MEF2A: variants seen among roughly 807,000 people sequenced by gnomAD.
MEF2A encodes the protein myocyte-specific enhancer factor 2A.
MEF2A carries 28 observed loss-of-function variants against 55.8 expected under a neutral mutation model. That is an observed-to-expected ratio of 0.50 (90% CI 0.37 to 0.69). The LOEUF is 0.69. Among genes scored for constraint, MEF2A ranks in the 30% least tolerant of loss-of-function variants. The pLI, the probability that MEF2A is intolerant of heterozygous loss-of-function variation, is 0.00. For missense variants in MEF2A, 528 were observed against 626.2 expected, an observed-to-expected ratio of 0.84 and a Z score of 1.67; for synonymous variants, 239 against 227.1, an observed-to-expected ratio of 1.05 and a Z score of -0.47.
rs148615387 is a variant in MEF2A, at chr15:99,579,328, G to T, written c.-225+13224G>T. 4.9e-4 allele frequency among the ~76,000 whole-genome samples: 74 copies of T among 151,202 alleles called. 1 individual carries two copies. Among genetic ancestry groups the T allele is most frequent in the Non-Finnish European group, 9.0e-4 (61 of 67,744 alleles). On this transcript the variant is annotated intron_variant, in intron 1 of 11. Coordinates refer to ENST00000557942, the MANE Select transcript of MEF2A (RefSeq NM_001319206.4). ...AGGGTTTTTTTTTTCGGTCAGTGGA[G>T]GGTGGGGCAGGGTTCCTTGCTGGAT...
intron 4 of MEF2A, among the ~76,000 whole-genome samples, chr15:99,664,649 T>G (rs2049265744): frequency 6.6e-6 from 1 of 152,042 alleles, no homozygotes; most frequent in Non-Finnish European, 1.5e-5. Context: ...TATATAAAAT[T>G]TGGTATTCCA....
chr15:99,573,992 T>C (rs1963416643), intron 1 of MEF2A, among the ~76,000 whole-genome samples: 1 of 152,220 alleles, frequency 6.6e-6, no homozygotes, highest in South Asian at 2.1e-4. Context: ...TTGTTTTTGT[T>C]TTCTTTCAGA....
At chr15:99,566,558 C>T (rs1959593656) in intron 1 of MEF2A, 2 of 152,304 alleles carry the variant, frequency 1.3e-5, no homozygotes, top group African/African-American at 4.8e-5. Context: ...TGGACGTCGC[C>T]TCCTTGAAAG....
intron 2 of MEF2A, among the ~76,000 whole-genome samples, chr15:99,631,363 A>G (rs1479495553): frequency 6.6e-6 from 1 of 152,146 alleles, no homozygotes; most frequent in Non-Finnish European, 1.5e-5. Flanking sequence ...AGCCTGTTTG[A>G]TTGGGCCCCA....
intron 7 of MEF2A, among the ~76,000 whole-genome samples, chr15:99,676,576 G>T (rs1242775157): frequency 7.1e-6 from 1 of 140,888 alleles, no homozygotes. Context: ...ATACAGTTTT[G>T]TTTTTTTTTT....
In MEF2A at chr15:99,607,958, A is replaced by G. The variant is rs980705269; in HGVS notation, c.-143+9447A>G. ...TAATTTCCTGTAGGAGTTTTGAGCC[A>G]TAGTCTTGCTGTGCTTTGTAGAAAT... On this transcript the variant is annotated intron_variant, in intron 2 of 11. Transcript: ENST00000557942. Among the ~76,000 whole-genome samples the G allele has an allele frequency of 3.0e-4, 45 of 152,188 alleles. 1 individual carries two copies. Among genetic ancestry groups the G allele is most frequent in the South Asian group, 8.3e-4 (4 of 4,830 alleles).
chr15:99,644,663 T>C (rs1025577636), intron 3 of MEF2A, among the ~76,000 whole-genome samples: 3 of 152,238 alleles, frequency 2.0e-5, no homozygotes, highest in Admixed American at 6.5e-5. Context: ...TATTCAAAAG[T>C]ATATTCTTAC....
intron 1 of MEF2A, among the ~76,000 whole-genome samples, chr15:99,590,789 A>G (rs967406173): frequency 1.3e-5 from 2 of 151,602 alleles, no homozygotes; most frequent in East Asian, 3.9e-4. Context: ...TCTTTTTGCT[A>G]TTGTCATTGA....
At chr15:99,688,140 ATC>A (rs2054663281) in intron 7 of MEF2A, among the ~76,000 whole-genome samples, 2 of 152,176 alleles carry the variant, frequency 1.3e-5, no homozygotes, top group South Asian at 4.1e-4. Context: ...CCACACTGTA[ATC>A]TCTGTTTTAT....
rs1332705047 is a variant in MEF2A at position 99,577,412 on chromosome 15, T to G, written c.-225+11308T>G. Among the ~76,000 whole-genome samples, 3 of 60,600 alleles carry G rather than the reference T, an allele frequency of 5.0e-5. No homozygotes were observed. The Admixed American group carries it at 5.4e-4, about 11-fold the overall frequency. The allele number at this position is 60,600 out of a possible 152,430, so 39.8% of individuals were successfully genotyped here. A position where few individuals can be genotyped will look rare whatever the true frequency, so the allele number is the denominator to read the frequency against. On this transcript the variant is annotated intron_variant, in intron 1 of 11. Coordinates refer to ENST00000557942, the MANE Select transcript of MEF2A (RefSeq NM_001319206.4). The stretch of plus-strand genomic sequence containing the variant: ...TCCACTGGGCTAGGTGCTGCAAGGC[T>G]TGGCTTTCACGGTCAGGGGGGAGTA...
chr15:99,656,455 A>G (rs1016646515), intron 4 of MEF2A, among the ~76,000 whole-genome samples: 1 of 152,116 alleles, frequency 6.6e-6, no homozygotes, highest in Non-Finnish European at 1.5e-5. Flanking sequence ...ATGCTCAATG[A>G]GGCATCTTAG....
intron 8 of MEF2A, among the ~76,000 whole-genome samples, chr15:99,695,675 C>T (rs937882724): frequency 1.3e-5 from 2 of 151,886 alleles, no homozygotes; most frequent in Non-Finnish European, 2.9e-5. Flanking sequence ...GCCTGACCAA[C>T]ATGGAGAAAC....
chr15:99,701,770 A>T (rs1224243932), intron 8 of MEF2A, among the ~76,000 whole-genome samples: 6 of 152,234 alleles, frequency 3.9e-5, no homozygotes, highest in Non-Finnish European at 7.3e-5. Context: ...CCAAGAAAAA[A>T]TGGCATTTAG....
chr15:99,660,198 C>T (rs2048393386), intron 4 of MEF2A, among the ~76,000 whole-genome samples: 1 of 152,080 alleles, frequency 6.6e-6, no homozygotes, highest in Admixed American at 6.5e-5. Context: ...TTATGGGAGA[C>T]TTTTTTGTTT....
At chr15:99,641,607 C>T (rs2044961469) in intron 3 of MEF2A, among the ~76,000 whole-genome samples, 2 of 152,050 alleles carry the variant, frequency 1.3e-5, no homozygotes, top group Admixed American at 6.5e-5. Flanking sequence ...CCTGTAGTCC[C>T]AGCTACTCGG....
At chr15:99,660,108 A>G (rs1263817275) in intron 4 of MEF2A, among the ~76,000 whole-genome samples, 2 of 152,158 alleles carry the variant, frequency 1.3e-5, no homozygotes, top group Admixed American at 6.5e-5. Context: ...TGCAAAGATA[A>G]TAATCAGAAG....
chr15:99,604,114 G>A (rs970783102), intron 2 of MEF2A, among the ~76,000 whole-genome samples: 1 of 152,088 alleles, frequency 6.6e-6, no homozygotes, highest in Non-Finnish European at 1.5e-5. Context: ...TTTATTACTA[G>A]GTTTTAGTCA....
chr15:99,715,417 G>A lies in MEF2A; in HGVS notation c.*2646G>A, dbSNP rs1381454089. 3.3e-5 allele frequency: 5 copies of A among 152,148 alleles called. No homozygotes were observed. Among genetic ancestry groups the A allele is most frequent in the Admixed American group, 6.5e-5 (1 of 15,276 alleles). 9.4% of individuals were successfully genotyped at this position (152,148 alleles called of 1,614,324 possible). A position where few individuals can be genotyped will look rare whatever the true frequency, so the allele number is the denominator to read the frequency against. On this transcript the variant is annotated 3_prime_UTR_variant, in exon 12 of 12. Transcript: ENST00000557942. ...TCTAAAATACTACTACTCAAGGCTC[G>A]GAGTTTGTATTTAAATTACACTGAC... is the stretch of plus-strand genomic sequence containing the variant.
intron 2 of MEF2A, among the ~76,000 whole-genome samples, chr15:99,617,262 GT>G (rs201016011): frequency 0.011 from 807 of 73,886 alleles, 7 homozygotes; most frequent in African/African-American, 0.023. Flanking sequence ...TATGTGTTTG[GT>G]TTTTTTTTTT....
Sources: allele counts gnomAD v4.1 joint callset (sites outside exome capture counted in the v4.1 genomes callset), GRCh38; gene constraint gnomAD v4.1.1; transcripts MANE v1.5; gene names NCBI Gene and HGNC (gene_info 2026-07-23, HGNC 2026-07-21).